CCDC91: variants seen among roughly 807,000 people sequenced by gnomAD.
CCDC91 encodes coiled-coil domain containing 91.
In CCDC91, 48 loss-of-function variants were observed where a neutral mutation model predicts 63.2. That is an observed-to-expected ratio of 0.76 (90% CI 0.60 to 0.97). CCDC91 has a LOEUF of 0.97. Ranked by LOEUF, CCDC91 falls within the 50% of genes least tolerant of loss-of-function variation. The probability of loss-of-function intolerance (pLI) is 0.00; values close to 1 mark genes in which losing one functional copy is unlikely to be tolerated. For synonymous variants in CCDC91, 167 were observed against 165.8 expected (o/e 1.01, Z -0.06); for missense variants, 500 against 494.6 (o/e 1.01, Z -0.10).
chr12:28,356,024 GT>G (rs1206262284), intron 6 of CCDC91, among the ~76,000 whole-genome samples: 3 of 151,698 alleles, frequency 2.0e-5, no homozygotes, highest in East Asian at 1.9e-4. Context: ...TATCATGTGT[GT>G]TTTTTTTCTT....
intron 11 of CCDC91, among the ~76,000 whole-genome samples, chr12:28,459,774 A>G (rs1454932593): frequency 6.6e-6 from 1 of 152,046 alleles, no homozygotes; most frequent in African/African-American, 2.4e-5. Flanking sequence ...AAAGTAGTAC[A>G]CTCTCTCTCA....
At chr12:28,429,176 G>T (rs147359088) in intron 8 of CCDC91, among the ~76,000 whole-genome samples, 3 of 152,148 alleles carry the variant, frequency 2.0e-5, no homozygotes, top group Admixed American at 6.6e-5. Context: ...ACTTAGGGGA[G>T]TTATTTAATT....
chr12:28,228,966 T>C (rs1944432219), intron 1 of CCDC91, among the ~76,000 whole-genome samples: 1 of 152,160 alleles, frequency 6.6e-6, no homozygotes, highest in African/African-American at 2.4e-5. Context: ...ATGGCACTTT[T>C]CAAAGGATAG....
At chr12:28,381,726 G>A (rs1945308171) in intron 7 of CCDC91, among the ~76,000 whole-genome samples, 1 of 152,044 alleles carries the variant, frequency 6.6e-6, no homozygotes, top group Non-Finnish European at 1.5e-5. Context: ...TGATAATTTT[G>A]TAACAACCCA....
chr12:28,268,698 G>T, intron 3 of CCDC91: 1 of 983,424 alleles, frequency 1.0e-6, no homozygotes, highest in Non-Finnish European at 1.2e-6. Context: ...GAGGGTAGAA[G>T]TCATCATCCT....
intron 8 of CCDC91, among the ~76,000 whole-genome samples, chr12:28,407,539 C>T (rs1307083183): frequency 6.6e-6 from 1 of 152,006 alleles, no homozygotes; most frequent in Non-Finnish European, 1.5e-5. Context: ...TTTTATAATC[C>T]AGTATTGTTT....
At chr12:28,290,548 G>T (rs1949184145) in intron 3 of CCDC91, among the ~76,000 whole-genome samples, 1 of 152,160 alleles carries the variant, frequency 6.6e-6, no homozygotes, top group Admixed American at 6.5e-5. Flanking sequence ...CTGTCATCAT[G>T]ATGTTAGCTG....
At position 28,452,630 on chromosome 12, in the gene CCDC91, A is replaced by T. The variant is rs770677135; in HGVS notation, c.1077A>T (p.Ile359=). ...EKVSQEIQKA[I]QEQRKISQET... ...TATCTCAGGAAATTCAAAAAGCTAT[A>T]CAAGAACAAAGAAAAATAAGTCAGG... Residue 359 remains isoleucine, a synonymous_variant, in exon 11 of 13, where the codon ATA becomes ATT. Coordinates refer to ENST00000536442, the MANE Select transcript of CCDC91 (RefSeq NM_018318.5). The T allele has an allele frequency of 1.9e-6, 3 of 1,546,922 alleles. No individual in the cohort carries two copies. The highest frequency in any genetic ancestry group is 2.6e-6 in the Non-Finnish European group (3 of 1,148,316).
chr12:28,428,909 A>G (rs1234781854), intron 8 of CCDC91, among the ~76,000 whole-genome samples: 1 of 152,174 alleles, frequency 6.6e-6, no homozygotes, highest in Non-Finnish European at 1.5e-5. Context: ...AGGAGTGGGC[A>G]GGGAGTCTAA....
At chr12:28,201,032 C>T (rs1415097945) in intron 1 of CCDC91, among the ~76,000 whole-genome samples, 56 of 124,770 alleles carry the variant, frequency 4.5e-4, no homozygotes, top group African/African-American at 1.3e-3. Flanking sequence ...CCGGATGGGG[C>T]GGCTGGCCGG....
chr12:28,490,539 C>T (rs554233789), intron 12 of CCDC91, among the ~76,000 whole-genome samples: 5 of 151,908 alleles, frequency 3.3e-5, no homozygotes, highest in African/African-American at 1.2e-4. Flanking sequence ...ATAACCAGTA[C>T]TAACCATCTT....
intron 6 of CCDC91, among the ~76,000 whole-genome samples, chr12:28,308,646 A>AAT (rs1446444738): frequency 6.6e-6 from 1 of 151,792 alleles, no homozygotes; most frequent in African/African-American, 2.4e-5. Flanking sequence ...TCCCTCAGAT[A>AAT]CCTGCATGGT....
intron 1 of CCDC91, among the ~76,000 whole-genome samples, chr12:28,199,208 C>T (rs577296117): frequency 4.9e-4 from 74 of 151,878 alleles, no homozygotes; most frequent in East Asian, 1.9e-4. Flanking sequence ...CCACTGCACC[C>T]GGCCTTGACG....
intron 8 of CCDC91, among the ~76,000 whole-genome samples, chr12:28,448,891 A>G (rs1356693805): frequency 6.6e-6 from 1 of 152,074 alleles, no homozygotes; most frequent in Admixed American, 6.6e-5. Context: ...TTCTGATCCT[A>G]TGAAATTCTG....
At chr12:28,467,081 C>T (rs1364730914) in intron 11 of CCDC91, among the ~76,000 whole-genome samples, 1 of 151,958 alleles carries the variant, frequency 6.6e-6, no homozygotes, top group Non-Finnish European at 1.5e-5. Context: ...TACAAAACAA[C>T]CACACACAAA....
At chr12:28,538,310 A>C (rs1043787003) in intron 12 of CCDC91, among the ~76,000 whole-genome samples, 1 of 130,406 alleles carries the variant, frequency 7.7e-6, no homozygotes, top group Admixed American at 9.2e-5. Context: ...CCTGTGTCCA[A>C]GTGCTCTCAT....
chr12:28,460,721 C>T (rs531514629), intron 11 of CCDC91, among the ~76,000 whole-genome samples: 10 of 151,960 alleles, frequency 6.6e-5, no homozygotes, highest in Non-Finnish European at 1.5e-4. Flanking sequence ...CCACATTCTT[C>T]ACATATTTGC....
chr12:28,295,368 A>G (rs1301048846), intron 3 of CCDC91, among the ~76,000 whole-genome samples: 1 of 152,104 alleles, frequency 6.6e-6, no homozygotes, highest in African/African-American at 2.4e-5. Flanking sequence ...AGAAATGTCA[A>G]AATGAAAATT....
intron 6 of CCDC91, among the ~76,000 whole-genome samples, chr12:28,333,586 G>C (rs560346474): frequency 3.3e-4 from 50 of 152,160 alleles, no homozygotes; most frequent in African/African-American, 1.2e-3. Flanking sequence ...AGATGGCTCT[G>C]TTCATGTCTC....
Sources: gnomAD v4.1 joint callset for allele counts (sites outside exome capture counted in the v4.1 genomes callset) on GRCh38, gnomAD v4.1.1 for gene constraint, MANE v1.5 for transcripts, NCBI Gene and HGNC (gene_info 2026-07-23, HGNC 2026-07-21) for gene names.